NUDT16L1: variants seen among roughly 807,000 people sequenced by gnomAD.
The protein encoded by NUDT16L1 is tudor-interacting repair regulator protein.
A neutral mutation model predicts 17.3 loss-of-function variants in NUDT16L1; 19 were observed. The ratio of observed to expected loss-of-function variants is 1.10; its 90% CI spans 0.77 to 1.61. NUDT16L1 has a LOEUF of 1.61. Ranked by LOEUF, NUDT16L1 falls within the 40% of genes most tolerant of loss-of-function variation. The pLI, the probability that NUDT16L1 is intolerant of heterozygous loss-of-function variation, is 0.00. For synonymous variants in NUDT16L1, 255 were observed against 138.6 expected (o/e 1.84, Z -5.90); for missense variants, 341 against 292.0 (o/e 1.17, Z -1.22).
intron 2 of NUDT16L1, 61 bp from the exon 3 acceptor site, chr16:4,694,897 C>T (rs1304120311): frequency 4.5e-6 from 7 of 1,542,556 alleles, no homozygotes; most frequent in East Asian, 4.8e-5. Context: ...CCAGGCCCCT[C>T]CTGCTGGAGG....
At chr16:4,694,879 C>G in intron 2 of NUDT16L1, 79 bp from the exon 3 acceptor site, 1 of 1,518,956 alleles carries the variant, frequency 6.6e-7, no homozygotes. Context: ...ACCCTGGCCT[C>G]ATAGCTTCCA....
chr16:4,693,741 G>A (rs1255941151), exon 1 of NUDT16L1: 2 of 1,542,474 alleles, frequency 1.3e-6, no homozygotes, highest in South Asian at 1.2e-5. Flanking sequence ...CGACGGCGGC[G>A]GTTCCGGAGC....
At position 4,694,329 on chromosome 16, in the gene NUDT16L1, C is replaced by G. The variant is rs770951292; in HGVS notation, c.414+91C>G. On this transcript the variant is annotated intron_variant, in intron 2 of 2. Coordinates refer to ENST00000304301, the Ensembl canonical transcript of NUDT16L1. ...GATGGGTAACACGTCTCCTGAGGGT[C>G]CCCTGGCCGGGCTGGGTCGGGTGTC... 6.7e-6 allele frequency: 10 copies of G among 1,490,338 alleles called. No individual in the cohort carries two copies. In the Admixed American group the frequency reaches 2.2e-4, roughly 32 times the overall value. 92.3% of individuals were successfully genotyped at this position (1,490,338 alleles called of 1,614,324 possible). A position where few individuals can be genotyped will look rare whatever the true frequency, so the allele number is the denominator to read the frequency against.
upstream of NUDT16L1, chr16:4,693,604 C>T: frequency 1.7e-6 from 2 of 1,160,090 alleles, no homozygotes; most frequent in Non-Finnish European, 2.2e-6. Flanking sequence ...TCCCGGGGCG[C>T]GCCGGCGATT....
At chr16:4,694,871 C>T (rs1429346554) in intron 2 of NUDT16L1, 87 bp from the exon 3 acceptor site, 4 of 1,509,430 alleles carry the variant, frequency 2.7e-6, no homozygotes, top group African/African-American at 1.4e-5. Flanking sequence ...CTGCTCATAC[C>T]CTGGCCTCAT....
intron 2 of NUDT16L1, 119 bp from the exon 3 acceptor site, chr16:4,694,839 A>ATTAAGTCCTTGGCAAAGCTGGC (rs2142005925): frequency 6.8e-7 from 1 of 1,470,436 alleles, no homozygotes; most frequent in South Asian, 1.4e-5. Context: ...TGGGTCTCCC[A>ATTAAGTCCTTGGCAAAGCTGGC]TTAAGTCCTT....
Position 4,693,825 on chromosome 16 carries a change from C to G in NUDT16L1, c.99C>G (p.Tyr33Ter). The change falls in exon 1 of 3, where the codon TAC becomes TAG. Residue 33 changes from tyrosine (Y) to a stop codon, truncating the protein, a stop_gained. Coordinates refer to ENST00000304301, the Ensembl canonical transcript of NUDT16L1. LOFTEE classifies it high-confidence loss of function. ...GCCACTCGTGCCACGCCATGCTGTA[C>G]GCCGCCAACCCTGGGCAGCTCTTCG... 1 of 1,570,438 alleles carries G rather than the reference C, an allele frequency of 6.4e-7. No individual in the cohort carries two copies. Among genetic ancestry groups the G allele is most frequent in the Non-Finnish European group, 8.6e-7 (1 of 1,163,526 alleles).
At chr16:4,695,672 G>A (rs1357852576) in exon 3 of NUDT16L1, 4 of 405,428 alleles carry the variant, frequency 9.9e-6, no homozygotes, top group Non-Finnish European at 1.7e-5. Context: ...TTGGGTTGTT[G>A]TTGGATTTAC....
exon 3 of NUDT16L1, chr16:4,695,138 CAGA>C (rs1283990748): frequency 9.9e-6 from 16 of 1,613,124 alleles, no homozygotes; most frequent in East Asian, 2.2e-5. Context: ...CACCGAGAAG[CAGA>C]AGAAGGCCCT....
At chr16:4,694,490 T>TGGGAGTGG (rs748097053) in intron 2 of NUDT16L1, 25 of 1,397,508 alleles carry the variant, frequency 1.8e-5, no homozygotes, top group Admixed American at 2.4e-5. Flanking sequence ...TTGCCAATCC[T>TGGGAGTGG]GGGAGTGGGG....
exon 2 of NUDT16L1, chr16:4,694,037 C>T (rs377621222): frequency 2.1e-5 from 33 of 1,584,630 alleles, no homozygotes; most frequent in Non-Finnish European, 2.7e-5. Context: ...ACCGGCGCTT[C>T]TGGTCGCTGG....
At chr16:4,695,088 T>C (rs2079513632) in exon 3 of NUDT16L1, 1 of 1,613,560 alleles carries the variant, frequency 6.2e-7, no homozygotes, top group Non-Finnish European at 8.5e-7. Context: ...GTGCTCAACA[T>C]GATGCCCGAG....
exon 2 of NUDT16L1, chr16:4,694,223 C>G (rs1415570250): frequency 6.6e-7 from 1 of 1,510,026 alleles, no homozygotes; most frequent in African/African-American, 1.4e-5. Context: ...TGCACTCGCG[C>G]GACCACGGCC....
In NUDT16L1 at chr16:4,695,050, T is replaced by C. The variant is rs59689974; in HGVS notation, c.507T>C (p.Ala169=). The C allele has an allele frequency of 3.7e-3, 6,013 of 1,613,398 alleles. 208 individuals are homozygous for C. In the African/African-American group the frequency reaches 0.072, roughly 19 times the overall value. ...TGAGCAACGCCTTCGTGAGCACGGC[T>C]AAGTGCCAGCTCCTCTTTGCCCTCA... Residue 169 remains alanine (A), a synonymous_variant, in exon 3 of 3, where the codon GCT becomes GCC. Coordinates refer to ENST00000304301, the Ensembl canonical transcript of NUDT16L1.
At chr16:4,695,452 T>G in exon 3 of NUDT16L1, 1 of 588,332 alleles carries the variant, frequency 1.7e-6, no homozygotes, top group Non-Finnish European at 3.0e-6. Flanking sequence ...GCTCAGACCC[T>G]CCTCTTGTAC....
In NUDT16L1 at chr16:4,693,965, C is replaced by G. The variant is rs753763865; in HGVS notation, c.154-13C>G. The G allele has an allele frequency of 8.4e-6, 13 of 1,548,320 alleles. No homozygotes were observed. The South Asian group carries it at 1.5e-4, about 18-fold the overall frequency. Reference sequence around the variant, plus strand: ...CCGTCGACCCCGCGGCTGTGACCCGCGCTCCCTTGCAGATGCAGATGCGTT... The same window carrying G: ...CCGTCGACCCCGCGGCTGTGACCCGGGCTCCCTTGCAGATGCAGATGCGTT... On this transcript the variant is annotated splice_polypyrimidine_tract_variant and intron_variant, in intron 1 of 2. Coordinates refer to ENST00000304301, the Ensembl canonical transcript of NUDT16L1.
In NUDT16L1 at chr16:4,693,886, ACGGGCGAGGGCG is replaced by A. The variant is rs547557668; in HGVS notation, c.153+18_153+29del. On this transcript the variant is annotated splice_region_variant and intron_variant, in intron 1 of 2. Transcript: ENST00000304301. Reference sequence around the variant, plus strand: ...CATGCGCTTCTCGGTGCTGGTGAGGACGGGCGAGGGCGCGGGCGAGGGTGCCGGCGCGGGCGG... The same window carrying A: ...CATGCGCTTCTCGGTGCTGGTGAGGACGGGCGAGGGTGCCGGCGCGGGCGG... The A allele has an allele frequency of 1.4e-4, 210 of 1,514,484 alleles. 5 individuals are homozygous for A. In the East Asian group the frequency reaches 2.4e-3, roughly 17 times the overall value. The allele number at this position is 1,514,484 out of a possible 1,614,324, so 93.8% of individuals were successfully genotyped here. A position where few individuals can be genotyped will look rare whatever the true frequency, so the allele number is the denominator to read the frequency against.
rs141042248 is a variant in NUDT16L1 at position 4,695,145 on chromosome 16, A to C, written c.602A>C (p.Lys201Thr). 2,540 of 1,613,074 alleles carry C rather than the reference A, an allele frequency of 1.6e-3. 7 individuals are homozygous for C. Among genetic ancestry groups the C allele is most frequent in the Non-Finnish European group, 1.8e-3 (2,129 of 1,179,968 alleles). The change falls in exon 3 of 3, where the codon AAG (lysine) becomes ACG (threonine). Residue 201 changes from lysine to threonine, a missense_variant. Lys to Thr is a moderately conservative substitution (Grantham distance 78, BLOSUM62 -1). Transcript: ENST00000304301. ...GCTGCAGCCACCGAGAAGCAGAAGA[A>C]GGCCCTGGAGAAGTTGCTCCCGGCC...
exon 3 of NUDT16L1, chr16:4,695,290 G>A: frequency 1.8e-6 from 2 of 1,099,340 alleles, no homozygotes; most frequent in Non-Finnish European, 2.6e-6. Flanking sequence ...CCTAGGGCGA[G>A]TGGGCATCCT....
Sources: allele counts gnomAD v4.1 joint callset, GRCh38; gene constraint gnomAD v4.1.1; transcripts MANE v1.5; gene names NCBI Gene and HGNC (gene_info 2026-07-23, HGNC 2026-07-21).